DACH2: variants seen among roughly 807,000 people sequenced by gnomAD.
DACH2 encodes the protein dachshund family transcription factor 2.
DACH2 carries 17 observed loss-of-function variants against 35.8 expected under a neutral mutation model. The observed-to-expected ratio is 0.48, with a 90% CI of 0.33 to 0.71. The LOEUF is 0.71. Ranked by LOEUF, DACH2 falls within the 30% of genes least tolerant of loss-of-function variation. DACH2 has a pLI of 0.02. For missense variants in DACH2, 469 were observed against 472.7 expected (o/e 0.99, Z 0.07); for synonymous variants, 195 against 177.3 (o/e 1.10, Z -0.79).
intron 1 of DACH2, among the ~76,000 whole-genome samples, chrX:86,375,470 A>C (rs1409484658): frequency 4.8e-5 from 5 of 103,891 alleles, no homozygotes; most frequent in Non-Finnish European, 9.8e-5. Context: ...TTTATTGTTA[A>C]AAAAGAGACG....
At chrX:86,819,443 T>A (rs1244217295) in intron 11 of DACH2, among the ~76,000 whole-genome samples, 1 of 110,739 alleles carries the variant, frequency 9.0e-6, no homozygotes, top group Non-Finnish European at 1.9e-5. Flanking sequence ...AGATCAATGA[T>A]ATTTTTGCAA....
chrX:86,363,064 G>C (rs1278662559), intron 1 of DACH2, among the ~76,000 whole-genome samples: 2 of 64,292 alleles, frequency 3.1e-5, no homozygotes, highest in Non-Finnish European at 6.4e-5. Context: ...AAGAAAAGTT[G>C]ATTTTAGGGA....
chrX:86,148,567 G>A lies in DACH2; in HGVS notation c.-54G>A. 1 of 1,112,141 alleles carries A rather than the reference G, an allele frequency of 9.0e-7. No homozygotes were observed. Among genetic ancestry groups the A allele is most frequent in the Non-Finnish European group, 1.2e-6 (1 of 843,550 alleles). The allele number at this position is 1,112,141 out of a possible 1,213,427, so 91.7% of individuals were successfully genotyped here. A position where few individuals can be genotyped will look rare whatever the true frequency, so the allele number is the denominator to read the frequency against. ...GGAGTGAGTGCGAGGGGATCTAGAG[G>A]AGTCAGGGCGAGAAAGCGAGGGCCG... On this transcript the variant is annotated 5_prime_UTR_variant, in exon 1 of 12. Coordinates refer to ENST00000373125, the MANE Select transcript of DACH2 (RefSeq NM_053281.3).
intron 11 of DACH2, chrX:86,828,219 T>G (rs1221184398): frequency 8.3e-6 from 1 of 120,053 alleles, no homozygotes; most frequent in African/African-American, 3.2e-5. Context: ...TTGTCTGACC[T>G]GGTATTTAAC....
chrX:86,283,246 A>G (rs771958934), intron 1 of DACH2, among the ~76,000 whole-genome samples: 109 of 111,651 alleles, frequency 9.8e-4, no homozygotes, highest in African/African-American at 2.9e-3. Flanking sequence ...GCTGGAGAGG[A>G]TGTGGAGAAA....
chrX:86,376,897 C>A (rs2035976708), intron 2 of DACH2, 35 bp downstream of exon 2: 1 of 606,221 alleles, frequency 1.6e-6, no homozygotes, highest in African/African-American at 2.3e-5. Context: ...AATCAAATTC[C>A]TGAGAATGTC....
At chrX:86,227,190 A>G (rs1275038358) in intron 1 of DACH2, among the ~76,000 whole-genome samples, 1 of 111,734 alleles carries the variant, frequency 8.9e-6, no homozygotes, top group Non-Finnish European at 1.9e-5. Flanking sequence ...CAATAATATG[A>G]AACGGGTTTT....
intron 1 of DACH2, among the ~76,000 whole-genome samples, chrX:86,267,603 T>A (rs2033734698): frequency 8.9e-6 from 1 of 112,120 alleles, no homozygotes; most frequent in African/African-American, 3.2e-5. Context: ...GTTCATTTAA[T>A]CTTTTAGAGC....
chrX:86,255,806 A>G (rs773710459), intron 1 of DACH2, among the ~76,000 whole-genome samples: 3 of 112,267 alleles, frequency 2.7e-5, no homozygotes, highest in South Asian at 7.3e-4. Context: ...GTGAAGTTCT[A>G]TATAAATCAT....
chrX:86,612,856 T>G (rs1569452860), intron 3 of DACH2, among the ~76,000 whole-genome samples: 1 of 112,804 alleles, frequency 8.9e-6, no homozygotes, highest in Non-Finnish European at 1.9e-5. Flanking sequence ...AGACAATTGT[T>G]GGAGACTTCC....
intron 1 of DACH2, among the ~76,000 whole-genome samples, chrX:86,244,094 A>G (rs193268150): frequency 8.9e-6 from 1 of 112,174 alleles, no homozygotes; most frequent in African/African-American, 3.2e-5. Flanking sequence ...ATACATTTTA[A>G]TAACTGACTA....
intron 1 of DACH2, among the ~76,000 whole-genome samples, chrX:86,255,507 G>A (rs898718283): frequency 9.0e-6 from 1 of 111,523 alleles, no homozygotes; most frequent in African/African-American, 3.3e-5. Context: ...TTTGATTTCT[G>A]GCCAACTTGC....
rs2037920117 is a variant in DACH2 at position 86,480,432 on chromosome X, C to A, written c.528-33847C>A. On this transcript the variant is annotated intron_variant, in intron 2 of 11. Coordinates refer to ENST00000373125, the MANE Select transcript of DACH2 (RefSeq NM_053281.3). ...TGCTGGGTTAGACCTGAAGCCAGCA[C>A]AACACTGGGTCTTACCAAAGGTCTA... is the stretch of plus-strand genomic sequence containing the variant. 3.6e-5 allele frequency among the ~76,000 whole-genome samples: 4 copies of A among 111,739 alleles called. No homozygotes were observed. The South Asian group carries it at 1.5e-3, about 42-fold the overall frequency.
At chrX:86,212,162 T>C (rs2065726225) in intron 1 of DACH2, among the ~76,000 whole-genome samples, 1 of 111,530 alleles carries the variant, frequency 9.0e-6, no homozygotes, top group Admixed American at 9.6e-5. Flanking sequence ...TTTATTTTGC[T>C]CTAATTTTTG....
chrX:86,724,158 C>G (rs2041439117), intron 6 of DACH2, among the ~76,000 whole-genome samples: 1 of 110,824 alleles, frequency 9.0e-6, no homozygotes, highest in Non-Finnish European at 1.9e-5. Flanking sequence ...GTTTTTTATT[C>G]CTTTTAATTG....
chrX:86,667,451 G>A (rs867669776), intron 4 of DACH2, among the ~76,000 whole-genome samples: 1 of 80,071 alleles, frequency 1.2e-5, no homozygotes, highest in Non-Finnish European at 2.3e-5. Context: ...AGAAGAAAGA[G>A]AAAGAAAGAA....
intron 3 of DACH2, among the ~76,000 whole-genome samples, chrX:86,632,381 G>A (rs2040211547): frequency 9.1e-6 from 1 of 110,044 alleles, no homozygotes; most frequent in Admixed American, 9.8e-5. Flanking sequence ...AAAATGGAGG[G>A]ATTGATTTAG....
chrX:86,627,528 A>G (rs1357631482), intron 3 of DACH2, among the ~76,000 whole-genome samples: 1 of 111,635 alleles, frequency 9.0e-6, no homozygotes, highest in African/African-American at 3.2e-5. Context: ...TATTGTTATA[A>G]TAAGCTTAAT....
chrX:86,501,226 G>T (rs2038244936), intron 2 of DACH2, among the ~76,000 whole-genome samples: 1 of 112,175 alleles, frequency 8.9e-6, no homozygotes. Context: ...GGAGGCCCAA[G>T]GTGAAATCCT....
Sources: gnomAD v4.1 joint callset for allele counts (sites outside exome capture counted in the v4.1 genomes callset) on GRCh38, gnomAD v4.1.1 for gene constraint, MANE v1.5 for transcripts, NCBI Gene and HGNC (gene_info 2026-07-23, HGNC 2026-07-21) for gene names.